The following ZDHHC21 variants were observed in gnomAD, a reference collection of about 807,000 sequenced individuals.
ZDHHC21 encodes the protein palmitoyltransferase ZDHHC21.
Under a neutral mutation model 34.6 loss-of-function variants are expected in ZDHHC21, and 15 were observed. That is an observed-to-expected ratio of 0.43 (90% CI 0.29 to 0.67). The LOEUF (loss-of-function observed/expected upper bound fraction) is 0.67. Among genes scored for constraint, ZDHHC21 ranks in the 30% least tolerant of loss-of-function variants. ZDHHC21 has a pLI of 0.14. For missense variants in ZDHHC21, 344 were observed against 327.7 expected (o/e 1.05, Z -0.38); for synonymous variants, 142 against 101.8 (o/e 1.40, Z -2.38).
At chr9:14,602,026 T>A in the ZDHHC21 span, among the ~76,000 whole-genome samples, 12 of 151,826 alleles carry the variant, frequency 7.9e-5, no homozygotes, top group Non-Finnish European at 7.4e-5. Flanking sequence ...AGGGATAGCA[T>A]TAGGAGAAAT....
At chr9:14,640,939 G>A (rs1039961113) in intron 7 of ZDHHC21, among the ~76,000 whole-genome samples, 14 of 152,250 alleles carry the variant, frequency 9.2e-5, no homozygotes, top group African/African-American at 3.4e-4. Context: ...AGGAGAGAGA[G>A]ATGAAGAACT....
chr9:14,661,936 G>A (rs1034353209), intron 6 of ZDHHC21, among the ~76,000 whole-genome samples: 2 of 152,076 alleles, frequency 1.3e-5, no homozygotes, highest in Non-Finnish European at 2.9e-5. Flanking sequence ...TATATACATT[G>A]CCTCATTTAA....
intron 8 of ZDHHC21, among the ~76,000 whole-genome samples, chr9:14,633,386 T>A (rs997495648): frequency 6.6e-6 from 1 of 152,244 alleles, no homozygotes; most frequent in South Asian, 2.1e-4. Flanking sequence ...TGCAGACTCC[T>A]GCATCCTAGC....
intron 7 of ZDHHC21, among the ~76,000 whole-genome samples, chr9:14,640,652 A>G (rs549596486): frequency 2.0e-5 from 3 of 152,242 alleles, no homozygotes; most frequent in Middle Eastern, 3.4e-3. Flanking sequence ...TGGCCTCAAG[A>G]AGTACAGTTT....
intron 6 of ZDHHC21, among the ~76,000 whole-genome samples, chr9:14,661,994 CT>C (rs1258493800): frequency 1.4e-5 from 2 of 146,992 alleles, no homozygotes; most frequent in South Asian, 2.3e-4. Flanking sequence ...TTAATTCTTA[CT>C]TTTTTGGCTC....
chr9:14,605,741 A>G, the ZDHHC21 span, among the ~76,000 whole-genome samples: 1 of 152,176 alleles, frequency 6.6e-6, no homozygotes, highest in Non-Finnish European at 1.5e-5. Flanking sequence ...TTTTGGTGTT[A>G]TCTCCAAGAA....
intron 8 of ZDHHC21, among the ~76,000 whole-genome samples, chr9:14,635,211 A>T (rs1828057427): frequency 6.6e-6 from 1 of 152,210 alleles, no homozygotes; most frequent in African/African-American, 2.4e-5. Flanking sequence ...AAATACTTTA[A>T]TTTGTAATGT....
chr9:14,673,451 T>C (rs1344542055), intron 4 of ZDHHC21, among the ~76,000 whole-genome samples: 1 of 151,190 alleles, frequency 6.6e-6, no homozygotes, highest in Admixed American at 6.6e-5. Flanking sequence ...AAAACAAAAA[T>C]AGTAAGGGAA....
At position 14,623,159 on chromosome 9, in the gene ZDHHC21, A is replaced by C. The variant is rs539366812; in HGVS notation, c.622-3477T>G. 4.7e-3 allele frequency among the ~76,000 whole-genome samples: 709 copies of C among 151,884 alleles called. 9 individuals carry two copies. The highest frequency in any genetic ancestry group is 0.014 in the African/African-American group (573 of 41,374). ...ACATAAAAAAAAAAGGCAACAACAA[A>C]AAAAAAAACAGACAAATGAGATTAC... On this transcript the variant is annotated intron_variant, in intron 8 of 9. Coordinates refer to ENST00000380916, the MANE Select transcript of ZDHHC21 (RefSeq NM_178566.6).
At chr9:14,593,302 A>G in the ZDHHC21 span, among the ~76,000 whole-genome samples, 9 of 152,234 alleles carry the variant, frequency 5.9e-5, no homozygotes, top group African/African-American at 2.4e-5. Context: ...TTAGGAATGA[A>G]AGAGAGGACA....
intron 5 of ZDHHC21, among the ~76,000 whole-genome samples, chr9:14,662,902 G>A (rs888101837): frequency 2.0e-5 from 3 of 152,260 alleles, no homozygotes; most frequent in African/African-American, 7.2e-5. Flanking sequence ...AGAGAAGGAT[G>A]TCATATGGGT....
At chr9:14,664,743 C>A (rs1230689682) in intron 5 of ZDHHC21, among the ~76,000 whole-genome samples, 1 of 152,030 alleles carries the variant, frequency 6.6e-6, no homozygotes, top group Non-Finnish European at 1.5e-5. Context: ...GGCACACTGA[C>A]ATCTCACACA....
intron 3 of ZDHHC21, chr9:14,677,586 T>C (rs1836654108): frequency 6.6e-6 from 1 of 152,076 alleles, no homozygotes; most frequent in Non-Finnish European, 1.5e-5. Flanking sequence ...CTAATTTGTA[T>C]ATTAAATGGT....
chr9:14,690,642 A>G (rs1407359486), intron 1 of ZDHHC21, among the ~76,000 whole-genome samples: 3 of 152,146 alleles, frequency 2.0e-5, no homozygotes, highest in African/African-American at 7.2e-5. Flanking sequence ...AAATGTCACA[A>G]TTTTGCCTAG....
At chr9:14,645,669 A>C (rs1408119661) in intron 7 of ZDHHC21, among the ~76,000 whole-genome samples, 2 of 152,144 alleles carry the variant, frequency 1.3e-5, no homozygotes, top group Non-Finnish European at 2.9e-5. Flanking sequence ...TAAACCAAAG[A>C]GTGGAAGATG....
At chr9:14,603,070 T>G in the ZDHHC21 span, among the ~76,000 whole-genome samples, 1 of 152,016 alleles carries the variant, frequency 6.6e-6, no homozygotes, top group Non-Finnish European at 1.5e-5. Flanking sequence ...TAAAGTGGCC[T>G]GAGGAAACTT....
intron 8 of ZDHHC21, among the ~76,000 whole-genome samples, chr9:14,631,414 T>C (rs912483800): frequency 2.0e-5 from 3 of 152,212 alleles, no homozygotes; most frequent in Non-Finnish European, 2.9e-5. Context: ...ATGTTGTGGC[T>C]TGTGTGATCT....
At chr9:14,690,503 ACCTGC>A in intron 1 of ZDHHC21, 118 bp from the exon 2 acceptor site, 1 of 377,026 alleles carries the variant, frequency 2.7e-6, no homozygotes, top group Non-Finnish European at 5.1e-6. Context: ...ATTTTACCCA[ACCTGC>A]CCTTTTGTAG....
chr9:14,643,142 C>A (rs186982228), intron 7 of ZDHHC21, among the ~76,000 whole-genome samples: 1 of 152,074 alleles, frequency 6.6e-6, no homozygotes, highest in South Asian at 2.1e-4. Flanking sequence ...AGCTACTAGG[C>A]GGGGCTGAGG....
Sources: allele counts gnomAD v4.1 joint callset (sites outside exome capture counted in the v4.1 genomes callset), GRCh38; gene constraint gnomAD v4.1.1; transcripts MANE v1.5; gene names NCBI Gene and HGNC (gene_info 2026-07-23, HGNC 2026-07-21).